ATP13A4: variants seen among roughly 807,000 people sequenced by gnomAD.
The protein encoded by ATP13A4 is ATPase 13A4.
In ATP13A4, 114 loss-of-function variants were observed where a neutral mutation model predicts 142.5. That is an observed-to-expected ratio of 0.80 (90% CI 0.69 to 0.93). ATP13A4 has a LOEUF of 0.93. Among genes scored for constraint, ATP13A4 ranks in the 40% least tolerant of loss-of-function variants. The pLI is 0.00. For missense variants in ATP13A4, 1,392 were observed against 1,454.0 expected (o/e 0.96, Z 0.69); for synonymous variants, 488 against 514.8 (o/e 0.95, Z 0.70).
intron 16 of ATP13A4, among the ~76,000 whole-genome samples, chr3:193,455,616 G>A (rs959211297): frequency 1.3e-5 from 2 of 152,174 alleles, no homozygotes; most frequent in Non-Finnish European, 2.9e-5. Context: ...CACTGTGGAA[G>A]AAAACACAGT....
chr3:193,463,567 T>C (rs888715639), intron 12 of ATP13A4, among the ~76,000 whole-genome samples: 3 of 151,934 alleles, frequency 2.0e-5, no homozygotes, highest in African/African-American at 7.3e-5. Flanking sequence ...ATCTGTAACA[T>C]GGTCATAATC....
rs143150422 is a variant in ATP13A4, at chr3:193,506,400, A to G, written c.235-3761T>C. ...AACCGGATCAGTCCTTGAACTCTAAAAAAATAGGTTTTACAAAAATTCAAG... is the reference window on the plus strand; with the variant it reads ...AACCGGATCAGTCCTTGAACTCTAAGAAAATAGGTTTTACAAAAATTCAAG... On this transcript the variant is annotated intron_variant, in intron 2 of 29. Coordinates refer to ENST00000342695, the MANE Select transcript of ATP13A4 (RefSeq NM_032279.4). Among the ~76,000 whole-genome samples, 544 of 152,298 alleles carry G rather than the reference A, an allele frequency of 3.6e-3. 8 individuals are homozygous for G. Among genetic ancestry groups the G allele is most frequent in the African/African-American group, 0.012 (501 of 41,564 alleles).
At chr3:193,476,374 G>C (rs1718967496) in intron 8 of ATP13A4, among the ~76,000 whole-genome samples, 1 of 151,996 alleles carries the variant, frequency 6.6e-6, no homozygotes, top group African/African-American at 2.4e-5. Context: ...AGCCTTCGTA[G>C]AATTAAAGAG....
chr3:193,513,052 T>C (rs1410415113), intron 2 of ATP13A4, among the ~76,000 whole-genome samples: 2 of 152,222 alleles, frequency 1.3e-5, no homozygotes, highest in Non-Finnish European at 2.9e-5. Context: ...CTAGTAAAAT[T>C]ATAGTTGAAC....
chr3:193,514,632 CA>C, intron 2 of ATP13A4, 65 bp downstream of exon 2: 1 of 1,586,490 alleles, frequency 6.3e-7, no homozygotes, highest in Non-Finnish European at 8.6e-7. Context: ...TCCCCCCAGC[CA>C]TCCCGTAACA....
chr3:193,480,929 A>G (rs1719255360), intron 8 of ATP13A4, among the ~76,000 whole-genome samples: 1 of 152,206 alleles, frequency 6.6e-6, no homozygotes, highest in Non-Finnish European at 1.5e-5. Flanking sequence ...TATATGTAAC[A>G]TGGAATACCA....
chr3:193,592,092 A>G (rs1219496170), intron 1 of ATP13A4, among the ~76,000 whole-genome samples: 1 of 132,550 alleles, frequency 7.5e-6, no homozygotes, highest in African/African-American at 2.9e-5. Flanking sequence ...ATTAAGGGAA[A>G]AGGAATTGTC....
intron 2 of ATP13A4, 94 bp downstream of exon 2, chr3:193,514,604 A>C: frequency 1.3e-6 from 2 of 1,511,924 alleles, no homozygotes; most frequent in Non-Finnish European, 1.8e-6. Flanking sequence ...TCCACCTGCT[A>C]TCTGTCTTGT....
At chr3:193,483,518 A>G (rs898604075) in intron 8 of ATP13A4, among the ~76,000 whole-genome samples, 36 of 152,180 alleles carry the variant, frequency 2.4e-4, no homozygotes, top group South Asian at 1.0e-3. Context: ...AGGCTGGAGT[A>G]CAGTGGCGCG....
chr3:193,477,786 CT>C (rs745920482), intron 8 of ATP13A4, among the ~76,000 whole-genome samples: 1 of 151,988 alleles, frequency 6.6e-6, no homozygotes, highest in Non-Finnish European at 1.5e-5. Context: ...GAGCAGAGTG[CT>C]GGGGAGGTAA....
At chr3:193,509,226 C>T (rs1272360111) in intron 2 of ATP13A4, among the ~76,000 whole-genome samples, 1 of 152,312 alleles carries the variant, frequency 6.6e-6, no homozygotes, top group Non-Finnish European at 1.5e-5. Flanking sequence ...AAAGCCTTCC[C>T]TGACTGTTTT....
chr3:193,431,954 A>G (rs1716001238), intron 25 of ATP13A4, among the ~76,000 whole-genome samples: 2 of 151,974 alleles, frequency 1.3e-5, no homozygotes, highest in African/African-American at 4.8e-5. Flanking sequence ...ATGGTAGTAG[A>G]ATTAGGGATG....
chr3:193,436,583 G>T (rs1716281685), intron 23 of ATP13A4, among the ~76,000 whole-genome samples: 1 of 151,846 alleles, frequency 6.6e-6, no homozygotes, highest in African/African-American at 2.4e-5. Flanking sequence ...GAGTAGCTGG[G>T]ACAACAGGCA....
Position 193,456,982 on chromosome 3 carries a change from C to A in ATP13A4, c.1915+18G>T. 4.4e-6 allele frequency: 7 copies of A among 1,605,894 alleles called. No homozygotes were observed. Among genetic ancestry groups the A allele is most frequent in the Non-Finnish European group, 6.0e-6 (7 of 1,175,806 alleles). On this transcript the variant is annotated intron_variant, in intron 16 of 29. Coordinates refer to ENST00000342695, the MANE Select transcript of ATP13A4 (RefSeq NM_032279.4). Reference sequence around the variant, plus strand: ...GAGATACAGATTTGCCAGGTGTAATCCAAGTCAAGTTACAGACCTGTCTCA... The same window carrying A: ...GAGATACAGATTTGCCAGGTGTAATACAAGTCAAGTTACAGACCTGTCTCA...
chr3:193,414,363 A>C (rs2108605077), intron 26 of ATP13A4, among the ~76,000 whole-genome samples: 1 of 152,334 alleles, frequency 6.6e-6, no homozygotes, highest in Non-Finnish European at 1.5e-5. Context: ...TTATCATATA[A>C]GACAGACAAA....
At chr3:193,472,698 G>T (rs1337051845) in intron 8 of ATP13A4, among the ~76,000 whole-genome samples, 1 of 152,146 alleles carries the variant, frequency 6.6e-6, no homozygotes, top group African/African-American at 2.4e-5. Flanking sequence ...GTGGGTGGAA[G>T]ACAGGAACAG....
chr3:193,444,956 A>G (rs1334316509), intron 18 of ATP13A4, among the ~76,000 whole-genome samples: 2 of 152,114 alleles, frequency 1.3e-5, no homozygotes, highest in African/African-American at 4.8e-5. Context: ...GCCCTCTACC[A>G]CCTGTCAGAG....
At chr3:193,563,663 C>CA (rs1270077249) in intron 2 of ATP13A4, among the ~76,000 whole-genome samples, 1 of 150,896 alleles carries the variant, frequency 6.6e-6, no homozygotes, top group Admixed American at 6.6e-5. Flanking sequence ...GAGAGTGTCT[C>CA]AAAAAAAAAG....
In ATP13A4 at chr3:193,481,129, G is replaced by C. The variant is rs375147965; in HGVS notation, c.808+2807C>G. On this transcript the variant is annotated intron_variant, in intron 8 of 29. Coordinates refer to ENST00000342695, the MANE Select transcript of ATP13A4 (RefSeq NM_032279.4). ...TGCACTTTGGAGATTCAGGGGAAAG[G>C]GTGGAAGGGGAGTGAAAGATAAAAG... Among the ~76,000 whole-genome samples, 99 of 152,278 alleles carry C rather than the reference G, an allele frequency of 6.5e-4. 2 individuals are homozygous for C. The South Asian group carries it at 0.02, about 31-fold the overall frequency.
Sources: gnomAD v4.1 joint callset for allele counts (sites outside exome capture counted in the v4.1 genomes callset) on GRCh38, gnomAD v4.1.1 for gene constraint, MANE v1.5 for transcripts, NCBI Gene and HGNC (gene_info 2026-07-23, HGNC 2026-07-21) for gene names.